Variants in SAP30BP observed in about 807,000 individuals in gnomAD.
The protein encoded by SAP30BP is SAP30 binding protein, also known as SAP30-binding protein.
In SAP30BP, 31 loss-of-function variants were observed where a neutral mutation model predicts 46.3. The ratio of observed to expected loss-of-function variants is 0.67; its 90% CI spans 0.50 to 0.90. The LOEUF (loss-of-function observed/expected upper bound fraction) is 0.90, where lower values mean the gene tolerates loss of function less well. Among genes scored for constraint, SAP30BP ranks in the 40% least tolerant of loss-of-function variants. The probability of loss-of-function intolerance (pLI) is 0.00; values close to 1 mark genes in which losing one functional copy is unlikely to be tolerated. For missense variants in SAP30BP, 312 were observed against 391.0 expected (o/e 0.80, Z 1.70); for synonymous variants, 169 against 144.2 (o/e 1.17, Z -1.23).
chr17:75,694,052 G>A (rs1338336162), intron 4 of SAP30BP, among the ~76,000 whole-genome samples: 2 of 152,060 alleles, frequency 1.3e-5, no homozygotes, highest in Non-Finnish European at 2.9e-5. Flanking sequence ...CTCCTTTCAC[G>A]TGGCTCCCAA....
At chr17:75,688,189 G>T (rs2060190306) in intron 3 of SAP30BP, among the ~76,000 whole-genome samples, 1 of 152,206 alleles carries the variant, frequency 6.6e-6, no homozygotes, top group Admixed American at 6.5e-5. Flanking sequence ...CCTGGGTGCA[G>T]AAAGGGGAGG....
At chr17:75,698,259 G>A (rs1230008975) in intron 4 of SAP30BP, among the ~76,000 whole-genome samples, 1 of 152,252 alleles carries the variant, frequency 6.6e-6, no homozygotes, top group Non-Finnish European at 1.5e-5. Flanking sequence ...TCAGAATCAG[G>A]CCTTTTGTTC....
At chr17:75,682,740 A>G (rs551564693) in intron 3 of SAP30BP, among the ~76,000 whole-genome samples, 49 of 151,818 alleles carry the variant, frequency 3.2e-4, no homozygotes, top group African/African-American at 7.0e-4. Flanking sequence ...AAGGCGGGCG[A>G]ATCACGAGGT....
In SAP30BP at chr17:75,679,292, G is replaced by A. The variant is rs1399820758; in HGVS notation, c.264+7429G>A. Among the ~76,000 whole-genome samples, 8 of 152,138 alleles carry A rather than the reference G, an allele frequency of 5.3e-5. No individual in the cohort carries two copies. The East Asian group carries it at 1.2e-3, about 22-fold the overall frequency. On this transcript the variant is annotated intron_variant, in intron 3 of 10. Coordinates refer to ENST00000584667, the MANE Select transcript of SAP30BP (RefSeq NM_013260.8). Reference sequence around the variant, plus strand: ...ATTACAGGTGTGAACCACCATGCCCGGCCTTCAGGCAAGTTGTAAGAAACG... The same window carrying A: ...ATTACAGGTGTGAACCACCATGCCCAGCCTTCAGGCAAGTTGTAAGAAACG...
chr17:75,669,345 G>A (rs1271076070), intron 2 of SAP30BP, among the ~76,000 whole-genome samples: 2 of 152,208 alleles, frequency 1.3e-5, no homozygotes, highest in East Asian at 3.9e-4. Context: ...CCAGGTTCAA[G>A]CAATTCTCCT....
intron 3 of SAP30BP, among the ~76,000 whole-genome samples, chr17:75,685,234 TG>T (rs1192305316): frequency 6.6e-6 from 1 of 152,216 alleles, no homozygotes; most frequent in Non-Finnish European, 1.5e-5. Context: ...CTTCCCCATC[TG>T]GGACTCATTT....
chr17:75,689,615 T>G (rs1432553308), intron 3 of SAP30BP, among the ~76,000 whole-genome samples: 1 of 152,218 alleles, frequency 6.6e-6, no homozygotes, highest in African/African-American at 2.4e-5. Context: ...GCCTGGTGAC[T>G]AGACATCCAG....
At position 75,706,733 on chromosome 17, in the gene SAP30BP, G is replaced by A. The variant is rs1413106356; in HGVS notation, c.*212G>A. 2.1e-5 allele frequency: 12 copies of A among 577,126 alleles called. No individual in the cohort carries two copies. In the East Asian group the frequency reaches 3.4e-4, roughly 16 times the overall value. 35.8% of individuals were successfully genotyped at this position (577,126 alleles called of 1,614,324 possible). A position where few individuals can be genotyped will look rare whatever the true frequency, so the allele number is the denominator to read the frequency against. Reference sequence around the variant, plus strand: ...GTCCACGCACCACCTGGGGTCTGCCGCCTATTAAAAGTGCCGTATTCTTAC... The same window carrying A: ...GTCCACGCACCACCTGGGGTCTGCCACCTATTAAAAGTGCCGTATTCTTAC... On this transcript the variant is annotated 3_prime_UTR_variant, in exon 11 of 11. Coordinates refer to ENST00000584667, the MANE Select transcript of SAP30BP (RefSeq NM_013260.8). The surrounding 1 kb of genome is among the most constrained non-coding windows in gnomAD (Gnocchi z 4.6).
intron 3 of SAP30BP, among the ~76,000 whole-genome samples, chr17:75,689,787 C>T (rs567235737): frequency 6.6e-6 from 1 of 152,288 alleles, no homozygotes; most frequent in South Asian, 2.1e-4. Context: ...CCTCACAGCC[C>T]TTCTTTCCGC....
chr17:75,688,683 G>A (rs1157883354), intron 3 of SAP30BP, among the ~76,000 whole-genome samples: 3 of 152,152 alleles, frequency 2.0e-5, no homozygotes, highest in Admixed American at 6.6e-5. Flanking sequence ...GTACTTCTCT[G>A]CTGAGTAAAT....
intron 3 of SAP30BP, among the ~76,000 whole-genome samples, chr17:75,682,700 A>T (rs1157525348): frequency 3.9e-5 from 6 of 152,156 alleles, no homozygotes; most frequent in African/African-American, 4.8e-5. Context: ...GCAGTGGCTC[A>T]TGCCTGTAAT....
chr17:75,668,756 T>G, intron 2 of SAP30BP, 131 bp downstream of exon 2: 1 of 605,900 alleles, frequency 1.7e-6, no homozygotes, highest in Non-Finnish European at 2.9e-6. Context: ...TTAGTATTAG[T>G]GGAAGAAACT....
intron 3 of SAP30BP, among the ~76,000 whole-genome samples, chr17:75,678,664 G>T (rs147394032): frequency 1.3e-5 from 2 of 152,092 alleles, no homozygotes; most frequent in Non-Finnish European, 2.9e-5. Flanking sequence ...GTTGTCGGCC[G>T]GTTTTGGAAG....
intron 4 of SAP30BP, among the ~76,000 whole-genome samples, chr17:75,694,158 G>A (rs747384673): frequency 1.8e-4 from 27 of 152,148 alleles, no homozygotes; most frequent in Non-Finnish European, 3.4e-4. Flanking sequence ...TCTCCTGTCC[G>A]TCCTGCTGAT....
chr17:75,675,856 G>A (rs997538441), intron 3 of SAP30BP, among the ~76,000 whole-genome samples: 1 of 152,224 alleles, frequency 6.6e-6, no homozygotes, highest in African/African-American at 2.4e-5. Context: ...GGTAGAGGTT[G>A]CAGTGAGCTG....
rs2059912318 is a variant in SAP30BP, at chr17:75,671,866, A to G, written c.264+3A>G. 1 of 1,612,486 alleles carries G rather than the reference A, an allele frequency of 6.2e-7. No homozygotes were observed. The highest frequency in any genetic ancestry group is 8.5e-7 in the Non-Finnish European group (1 of 1,178,516). On this transcript the variant is annotated splice_donor_region_variant and intron_variant, in intron 3 of 10. Transcript: ENST00000584667. ...AACCTGAGGCTGATGACCCAAAGGTATTTGGTGTTGGCTGTGGTGGGTGGC... is the reference window on the plus strand; with the variant it reads ...AACCTGAGGCTGATGACCCAAAGGTGTTTGGTGTTGGCTGTGGTGGGTGGC...
chr17:75,681,141 A>G (rs1012536034), intron 3 of SAP30BP, among the ~76,000 whole-genome samples: 3 of 152,214 alleles, frequency 2.0e-5, no homozygotes, highest in Non-Finnish European at 4.4e-5. Flanking sequence ...TAAAAAAATA[A>G]TATGTGTAAG....
rs956352107 is a variant in SAP30BP at position 75,676,594 on chromosome 17, ATT to A, written c.264+4732_264+4733del. ...CCCAAGTCCAGATAACTAGTTTGTCATTATTTCAAATAAAAATGGTGTTTCCT... is the reference window on the plus strand; with the variant it reads ...CCCAAGTCCAGATAACTAGTTTGTCAATTTCAAATAAAAATGGTGTTTCCT... On this transcript the variant is annotated intron_variant, in intron 3 of 10. Coordinates refer to ENST00000584667, the MANE Select transcript of SAP30BP (RefSeq NM_013260.8). 3.6e-4 allele frequency among the ~76,000 whole-genome samples: 55 copies of A among 152,340 alleles called. 1 individual carries two copies. The highest frequency in any genetic ancestry group is 1.1e-3 in the African/African-American group (46 of 41,578).
Position 75,704,766 on chromosome 17 carries a change from G to C in SAP30BP, c.612G>C (p.Gln204His). Residue 204 changes from glutamine (Q) to histidine (H), a missense_variant, in exon 9 of 11, where the codon CAG (glutamine) becomes CAC (histidine). Around this residue, in one of 2 missense-constraint regions of SAP30BP, gnomAD observed 296 missense variants for 346.6 expected, o/e 0.85. Transcript: ENST00000584667. ...DSYYEALAKA[Q>H]KIEMDKLEKA... ...CTCTTGTCTTCATAGCCAAGGCCCA[G>C]AAAATTGAGATGGACAAATTGGAAA... is the stretch of plus-strand genomic sequence containing the variant. The C allele has an allele frequency of 6.2e-7, 1 of 1,613,830 alleles. No homozygotes were observed. The highest frequency in any genetic ancestry group is 8.5e-7 in the Non-Finnish European group (1 of 1,179,858).
Sources: allele counts gnomAD v4.1 joint callset (sites outside exome capture counted in the v4.1 genomes callset), GRCh38; gene constraint gnomAD v4.1.1; regional missense constraint gnomAD v4.1.1; non-coding constraint Gnocchi (gnomAD v3.1); transcripts MANE v1.5; gene names NCBI Gene and HGNC (gene_info 2026-07-23, HGNC 2026-07-21).